ZNF438: variants seen among roughly 807,000 people sequenced by gnomAD.
The protein encoded by ZNF438 is zinc finger protein 438.
ZNF438 carries 25 observed loss-of-function variants against 38.0 expected under a neutral mutation model. That is an observed-to-expected ratio of 0.66 (90% CI 0.48 to 0.92). ZNF438 has a LOEUF of 0.92. Among genes scored for constraint, ZNF438 ranks in the 40% least tolerant of loss-of-function variants. The probability of loss-of-function intolerance (pLI) is 0.00; values close to 1 mark genes in which losing one functional copy is unlikely to be tolerated. For missense variants in ZNF438, 1,007 were observed against 999.6 expected (o/e 1.01, Z -0.10); for synonymous variants, 372 against 364.1 (o/e 1.02, Z -0.25).
At chr10:30,948,504 A>C (rs1378253115) in intron 1 of ZNF438, among the ~76,000 whole-genome samples, 3 of 152,118 alleles carry the variant, frequency 2.0e-5, no homozygotes, top group Non-Finnish European at 4.4e-5. Context: ...AACTTTGAAA[A>C]AAATTTAGAC....
intron 1 of ZNF438, among the ~76,000 whole-genome samples, chr10:31,030,178 T>C (rs1369034700): frequency 1.3e-5 from 2 of 152,224 alleles, no homozygotes; most frequent in South Asian, 2.1e-4. Context: ...TCAGGCTCTT[T>C]CCCTCACACT....
chr10:30,910,683 C>CAAAA (rs11375197), intron 2 of ZNF438, among the ~76,000 whole-genome samples: 3 of 89,746 alleles, frequency 3.3e-5, no homozygotes, highest in Non-Finnish European at 6.3e-5. Context: ...GTATATTGGC[C>CAAAA]AAAAAAAAAA....
chr10:30,894,454 G>A (rs2041082442), intron 3 of ZNF438, among the ~76,000 whole-genome samples: 1 of 152,198 alleles, frequency 6.6e-6, no homozygotes, highest in African/African-American at 2.4e-5. Flanking sequence ...GTGTCCTCTA[G>A]TGCCCTGAAA....
chr10:30,870,761 T>G (rs373053519), intron 4 of ZNF438, among the ~76,000 whole-genome samples: 1 of 152,164 alleles, frequency 6.6e-6, no homozygotes, highest in Non-Finnish European at 1.5e-5. Flanking sequence ...TAGGAACAAA[T>G]GGCTCAGTAT....
chr10:31,014,001 T>C (rs866567557), intron 1 of ZNF438, among the ~76,000 whole-genome samples: 14 of 152,194 alleles, frequency 9.2e-5, no homozygotes, highest in Admixed American at 2.0e-4. Flanking sequence ...AAAGCACAGA[T>C]GACTTCTTAA....
intron 1 of ZNF438, among the ~76,000 whole-genome samples, chr10:30,978,920 GC>G (rs2051762128): frequency 6.6e-6 from 1 of 152,136 alleles, no homozygotes; most frequent in South Asian, 2.1e-4. Flanking sequence ...TCCCTCTCTA[GC>G]TATGAAAGTC....
chr10:30,897,569 G>A (rs1038089549), intron 3 of ZNF438, among the ~76,000 whole-genome samples: 2 of 152,184 alleles, frequency 1.3e-5, no homozygotes, highest in African/African-American at 4.8e-5. Flanking sequence ...CCACTCCCCA[G>A]GCTCTGGCAT....
chr10:30,997,809 T>G (rs2054205450), intron 1 of ZNF438, among the ~76,000 whole-genome samples: 1 of 152,126 alleles, frequency 6.6e-6, no homozygotes, highest in South Asian at 2.1e-4. Flanking sequence ...TGCTTTGATA[T>G]GAGTATGTCA....
intron 2 of ZNF438, among the ~76,000 whole-genome samples, chr10:30,924,665 C>A (rs758892557): frequency 7.2e-5 from 11 of 152,094 alleles, no homozygotes; most frequent in Non-Finnish European, 1.3e-4. Context: ...AATGAGAAAA[C>A]ACCAAACTCA....
intron 4 of ZNF438, among the ~76,000 whole-genome samples, chr10:30,864,630 G>A (rs2036127303): frequency 6.6e-6 from 1 of 152,104 alleles, no homozygotes; most frequent in Non-Finnish European, 1.5e-5. Flanking sequence ...TTTACTGAAG[G>A]AACGAACTAT....
At position 30,875,682 on chromosome 10, in the gene ZNF438, C is replaced by T. The variant is rs149552392; in HGVS notation, c.37+1316G>A. ...ATCTCCTTTCTTGCCCTAGTGTTCC[C>T]GGCTGGATTTTGTGTGAGTCTCAAG... On this transcript the variant is annotated intron_variant, in intron 4 of 5. Coordinates refer to ENST00000413025, the Ensembl canonical transcript of ZNF438. Among the ~76,000 whole-genome samples the T allele has an allele frequency of 3.9e-5, 6 of 152,284 alleles. No individual in the cohort carries two copies. In the East Asian group the frequency reaches 9.6e-4, roughly 24 times the overall value.
chr10:30,868,089 G>A (rs2036772605), intron 4 of ZNF438, among the ~76,000 whole-genome samples: 3 of 140,538 alleles, frequency 2.1e-5, no homozygotes, highest in Admixed American at 7.1e-5. Flanking sequence ...TTTTTTTTGA[G>A]ACGGAGTTTC....
chr10:30,949,844 A>T (rs1041699883), intron 1 of ZNF438, among the ~76,000 whole-genome samples: 6 of 152,094 alleles, frequency 3.9e-5, no homozygotes, highest in Admixed American at 3.9e-4. Flanking sequence ...TCAACGAGAC[A>T]GAAAGTCAAC....
At chr10:30,863,904 C>T (rs927598955) in intron 4 of ZNF438, among the ~76,000 whole-genome samples, 2 of 152,208 alleles carry the variant, frequency 1.3e-5, no homozygotes, top group African/African-American at 2.4e-5. Context: ...GAACGCTGGA[C>T]AGTGTTCTAA....
intron 1 of ZNF438, among the ~76,000 whole-genome samples, chr10:30,953,879 C>T (rs1252284475): frequency 6.6e-6 from 1 of 152,198 alleles, no homozygotes. Flanking sequence ...CACAGTGGCT[C>T]ACACCTGTAC....
At chr10:31,003,526 C>A (rs577011537) in intron 1 of ZNF438, among the ~76,000 whole-genome samples, 1 of 152,288 alleles carries the variant, frequency 6.6e-6, no homozygotes, top group Non-Finnish European at 1.5e-5. Flanking sequence ...CTGTTCCCTG[C>A]AAGTTCTTAG....
At chr10:30,968,570 A>C (rs1325511280) in intron 1 of ZNF438, among the ~76,000 whole-genome samples, 4 of 148,866 alleles carry the variant, frequency 2.7e-5, no homozygotes, top group South Asian at 2.1e-4. Flanking sequence ...CAGCCTCCTG[A>C]GAAGCTGGGA....
chr10:30,963,346 C>T (rs3006577), intron 1 of ZNF438, among the ~76,000 whole-genome samples: 7 of 129,646 alleles, frequency 5.4e-5, no homozygotes, highest in East Asian at 2.4e-4. Context: ...GAGCCGAGAT[C>T]GTGATACTGC....
chr10:31,000,246 C>T (rs994806873), intron 1 of ZNF438, among the ~76,000 whole-genome samples: 1 of 152,192 alleles, frequency 6.6e-6, no homozygotes, highest in South Asian at 2.1e-4. Context: ...CAGATAATGA[C>T]ATCACCATCT....
Sources: allele counts gnomAD v4.1 joint callset (sites outside exome capture counted in the v4.1 genomes callset), GRCh38; gene constraint gnomAD v4.1.1; transcripts MANE v1.5; gene names NCBI Gene and HGNC (gene_info 2026-07-23, HGNC 2026-07-21).